COL21A1: variants seen among roughly 807,000 people sequenced by gnomAD.
The protein encoded by COL21A1 is collagen type XXI alpha 1 chain.
Under a neutral mutation model 137.9 loss-of-function variants are expected in COL21A1, and 149 were observed. The ratio of observed to expected loss-of-function variants is 1.08; its 90% confidence interval spans 0.95 to 1.24. The LOEUF is 1.24. COL21A1 is among the 50% of genes most tolerant of loss of function. COL21A1 has a pLI of 0.00. For synonymous variants in COL21A1, 456 were observed against 391.5 expected, an observed-to-expected ratio of 1.16 and a Z score of -1.95; for missense variants, 1,167 against 1,158.4, an observed-to-expected ratio of 1.01 and a Z score of -0.11.
At chr6:56,241,044 T>C (rs1782285445) in intron 1 of COL21A1, among the ~76,000 whole-genome samples, 1 of 152,174 alleles carries the variant, frequency 6.6e-6, no homozygotes, top group Non-Finnish European at 1.5e-5. Context: ...GGCACCCAAG[T>C]AGGAGCTCTG....
At chr6:56,204,397 G>A (rs1020913133) in intron 1 of COL21A1, among the ~76,000 whole-genome samples, 1 of 152,244 alleles carries the variant, frequency 6.6e-6, no homozygotes, top group African/African-American at 2.4e-5. Context: ...GCTCAGCAAG[G>A]CCATTGCTGC....
At chr6:56,301,862 C>G (rs993036277) in intron 1 of COL21A1, among the ~76,000 whole-genome samples, 5 of 152,018 alleles carry the variant, frequency 3.3e-5, no homozygotes, top group African/African-American at 9.7e-5. Context: ...TCTCCCCCCC[C>G]CAATCCCACA....
intron 9 of COL21A1, among the ~76,000 whole-genome samples, chr6:56,161,275 C>T (rs905036211): frequency 6.6e-6 from 1 of 152,166 alleles, no homozygotes; most frequent in Non-Finnish European, 1.5e-5. Context: ...TGTCTTCTTT[C>T]CACTTCTGAC....
chr6:56,171,051 T>G lies in COL21A1; in HGVS notation c.718A>C (p.Asn240His). 6.2e-7 allele frequency: 1 copy of G among 1,610,142 alleles called. No individual in the cohort carries two copies. The highest frequency in any genetic ancestry group is 8.5e-7 in the Non-Finnish European group (1 of 1,178,100). The change falls in exon 4 of 30, where the codon AAT becomes CAT. Residue 240 changes from asparagine (N) to histidine (H), a missense_variant. Coordinates refer to ENST00000244728, the MANE Select transcript of COL21A1 (RefSeq NM_030820.4). ...GFDILLGLDV[N>H]KKVKKRIQLS... ...TGTATTCTTTTCTTAACCTTTTTAT[T>G]TACATCTAAACCTAAAAGAATATCA...
chr6:56,177,115 G>A (rs1777544968), intron 3 of COL21A1, among the ~76,000 whole-genome samples: 1 of 152,088 alleles, frequency 6.6e-6, no homozygotes, highest in Admixed American at 6.6e-5. Context: ...AGTAGTAGTA[G>A]TAGTAGTACT....
At chr6:56,326,858 T>C (rs891967356) in intron 1 of COL21A1, among the ~76,000 whole-genome samples, 2 of 152,040 alleles carry the variant, frequency 1.3e-5, no homozygotes, top group African/African-American at 2.4e-5. Context: ...ACTGATTTAG[T>C]TTTACATAAC....
Position 56,148,368 on chromosome 6 carries a change from G to GAGAGAGAGAGAGAGAGAGAGAA in COL21A1, c.1435-6386_1435-6385insTTCTCTCTCTCTCTCTCTCTCT, listed in dbSNP as rs1208798741. ...AGAGAGAGAGAGAGAGAGAGAGAGA[G>GAGAGAGAGAGAGAGAGAGAGAA]AAACACATAAAATAAATAAATAAAT... On this transcript the variant is annotated intron_variant, in intron 10 of 29. Coordinates refer to ENST00000244728, the MANE Select transcript of COL21A1 (RefSeq NM_030820.4). Among the ~76,000 whole-genome samples, 59 of 150,212 alleles carry GAGAGAGAGAGAGAGAGAGAGAA rather than the reference G, an allele frequency of 3.9e-4. No homozygotes were observed. The South Asian group carries it at 6.3e-3, about 16-fold the overall frequency.
At chr6:56,151,261 C>T (rs950117349) in intron 10 of COL21A1, among the ~76,000 whole-genome samples, 2 of 152,020 alleles carry the variant, frequency 1.3e-5, no homozygotes, top group Non-Finnish European at 2.9e-5. Context: ...AAAAGAGTAA[C>T]TAATGATAAC....
intron 1 of COL21A1, among the ~76,000 whole-genome samples, chr6:56,310,809 A>G (rs112167978): frequency 3.3e-5 from 3 of 90,182 alleles, no homozygotes; most frequent in African/African-American, 8.4e-5. Flanking sequence ...ATGAATATCC[A>G]TAATATTGTT....
At chr6:56,359,508 T>G (rs758862498) in intron 1 of COL21A1, among the ~76,000 whole-genome samples, 2 of 152,218 alleles carry the variant, frequency 1.3e-5, no homozygotes, top group African/African-American at 4.8e-5. Flanking sequence ...GTTTGGGTTT[T>G]TTTCTGTTTA....
chr6:56,381,215 GC>G (rs1203947403), intron 1 of COL21A1, among the ~76,000 whole-genome samples: 1 of 152,036 alleles, frequency 6.6e-6, no homozygotes, highest in Non-Finnish European at 1.5e-5. Context: ...TATTTTGGGG[GC>G]AAGAATTTTT....
chr6:56,195,521 G>A (rs958319427), intron 1 of COL21A1, among the ~76,000 whole-genome samples: 1 of 151,902 alleles, frequency 6.6e-6, no homozygotes, highest in East Asian at 1.9e-4. Flanking sequence ...AAAAAAAAGA[G>A]AGACAACTTG....
At chr6:56,344,372 A>C (rs982413545) in intron 1 of COL21A1, among the ~76,000 whole-genome samples, 2 of 152,248 alleles carry the variant, frequency 1.3e-5, no homozygotes, top group Non-Finnish European at 2.9e-5. Flanking sequence ...TAAGAAAAAG[A>C]AAAGAGATGT....
intron 22 of COL21A1, 79 bp downstream of exon 22, chr6:56,068,967 C>T (rs1766499702): frequency 5.7e-6 from 5 of 881,372 alleles, no homozygotes; most frequent in Non-Finnish European, 9.0e-6. Flanking sequence ...ACAAGTCCTA[C>T]TTTAAGAATT....
chr6:56,288,813 T>C (rs1341819150), intron 1 of COL21A1, among the ~76,000 whole-genome samples: 2 of 152,202 alleles, frequency 1.3e-5, no homozygotes, highest in African/African-American at 4.8e-5. Context: ...GAGGTAATGA[T>C]AGCAGTACAG....
intron 17 of COL21A1, chr6:56,091,626 T>C (rs928992768): frequency 6.6e-6 from 1 of 152,546 alleles, no homozygotes; most frequent in African/African-American, 2.4e-5. Flanking sequence ...CTGTACACAA[T>C]GGGGCTAGCT....
At chr6:56,354,886 G>A (rs1366069829) in intron 1 of COL21A1, among the ~76,000 whole-genome samples, 4 of 151,986 alleles carry the variant, frequency 2.6e-5, no homozygotes, top group South Asian at 2.1e-4. Context: ...ATATACAATG[G>A]AAGAAAACAT....
intron 1 of COL21A1, among the ~76,000 whole-genome samples, chr6:56,316,815 T>C (rs961909192): frequency 1.3e-5 from 2 of 152,122 alleles, no homozygotes; most frequent in Admixed American, 6.6e-5. Flanking sequence ...AAAGGAAATA[T>C]AGTTTTATAA....
At chr6:56,242,940 T>G (rs567978284) in intron 1 of COL21A1, among the ~76,000 whole-genome samples, 1 of 152,314 alleles carries the variant, frequency 6.6e-6, no homozygotes, top group South Asian at 2.1e-4. Context: ...ATTATCTGAT[T>G]TTTTGGAATG....
Sources: gnomAD v4.1 joint callset for allele counts (sites outside exome capture counted in the v4.1 genomes callset) on GRCh38, gnomAD v4.1.1 for gene constraint, MANE v1.5 for transcripts, NCBI Gene and HGNC (gene_info 2026-07-23, HGNC 2026-07-21) for gene names.